ZMAT4: variants seen among roughly 807,000 people sequenced by gnomAD.
The protein encoded by ZMAT4 is zinc finger matrin-type 4.
Under a neutral mutation model 28.7 loss-of-function variants are expected in ZMAT4, and 17 were observed. The observed-to-expected ratio is 0.59, with a 90% CI of 0.41 to 0.89. ZMAT4 has a LOEUF of 0.89. Ranked by LOEUF, ZMAT4 falls within the 40% of genes least tolerant of loss-of-function variation. The pLI is 0.00. For synonymous variants in ZMAT4, 117 were observed against 109.2 expected, an observed-to-expected ratio of 1.07 and a Z score of -0.44; for missense variants, 240 against 283.8, an observed-to-expected ratio of 0.85 and a Z score of 1.11.
At position 40,531,530 on chromosome 8, in the gene ZMAT4, C is replaced by T. The variant is rs4737147; in HGVS notation, c.*693G>A. 6 of 152,708 alleles carry T rather than the reference C, an allele frequency of 3.9e-5. No individual in the cohort carries two copies. In the South Asian group the frequency reaches 1.2e-3, roughly 32 times the overall value. 9.5% of individuals were successfully genotyped at this position (152,708 alleles called of 1,614,324 possible). On this transcript the variant is annotated 3_prime_UTR_variant, in exon 7 of 7. Coordinates refer to ENST00000297737, the MANE Select transcript of ZMAT4 (RefSeq NM_024645.3). ...CTAAGAAGATCATCATGCAGGCAGA[C>T]TAATTCTTTTCCTAAGCTATTATTT...
chr8:40,790,505 A>G (rs1452843645), intron 2 of ZMAT4, among the ~76,000 whole-genome samples: 2 of 152,216 alleles, frequency 1.3e-5, no homozygotes, highest in African/African-American at 4.8e-5. Context: ...TTAAAGAATA[A>G]CATTTATAAT....
At chr8:40,882,248 A>G (rs1423939888) in intron 1 of ZMAT4, among the ~76,000 whole-genome samples, 2 of 152,128 alleles carry the variant, frequency 1.3e-5, no homozygotes. Flanking sequence ...TGAGAAATCT[A>G]TGTTTCTGCT....
At chr8:40,808,567 C>G (rs770810321) in intron 2 of ZMAT4, 6 of 453,188 alleles carry the variant, frequency 1.3e-5, no homozygotes, top group South Asian at 9.4e-5. Context: ...AGGAACTGCA[C>G]CACACTGCAA....
intron 6 of ZMAT4, among the ~76,000 whole-genome samples, chr8:40,552,531 T>C (rs1012446884): frequency 6.6e-6 from 1 of 152,180 alleles, no homozygotes; most frequent in Non-Finnish European, 1.5e-5. Context: ...TTAACTAACA[T>C]TTACTGAACT....
chr8:40,770,397 T>A (rs1363568522), intron 2 of ZMAT4, among the ~76,000 whole-genome samples: 1 of 152,058 alleles, frequency 6.6e-6, no homozygotes, highest in African/African-American at 2.4e-5. Flanking sequence ...TCCCTGCAGA[T>A]CGTTCCTGGG....
rs540721267 is a variant in ZMAT4 at position 40,607,033 on chromosome 8, C to T, written c.578-25772G>A. ...TCCAGTGTATTTTACATTTTTCCAA[C>T]ATGTCCTTTATTTCCAGAAGGTGTG... On this transcript the variant is annotated intron_variant, in intron 5 of 6. Transcript: ENST00000297737. 2.7e-4 allele frequency among the ~76,000 whole-genome samples: 41 copies of T among 151,236 alleles called. No homozygotes were observed. In the South Asian group the frequency reaches 6.5e-3, roughly 24 times the overall value.
chr8:40,885,549 G>T (rs1384069587), intron 1 of ZMAT4, among the ~76,000 whole-genome samples: 2 of 152,100 alleles, frequency 1.3e-5, no homozygotes, highest in Non-Finnish European at 2.9e-5. Context: ...ATTTTAAGAC[G>T]AGTCTTGCTC....
At chr8:40,567,494 G>T (rs1351834422) in intron 6 of ZMAT4, among the ~76,000 whole-genome samples, 6 of 152,004 alleles carry the variant, frequency 3.9e-5, no homozygotes, top group African/African-American at 1.2e-4. Flanking sequence ...ACTCTGGGAG[G>T]CTCAAGCGGG....
At chr8:40,601,587 AAAG>A (rs1805344357) in intron 5 of ZMAT4, among the ~76,000 whole-genome samples, 2 of 7,632 alleles carry the variant, frequency 2.6e-4, no homozygotes, top group African/African-American at 6.2e-4. Flanking sequence ...AGAAAGAAAG[AAAG>A]AAAGAAAGAA....
At chr8:40,710,356 C>T (rs1381649511) in intron 3 of ZMAT4, among the ~76,000 whole-genome samples, 6 of 152,072 alleles carry the variant, frequency 3.9e-5, no homozygotes, top group Admixed American at 2.0e-4. Flanking sequence ...TCGTTTCCTG[C>T]GTCTTTGTGA....
At chr8:40,613,940 G>T (rs771509872) in intron 5 of ZMAT4, among the ~76,000 whole-genome samples, 3 of 152,154 alleles carry the variant, frequency 2.0e-5, no homozygotes, top group Non-Finnish European at 4.4e-5. Flanking sequence ...CTGAACAAAA[G>T]AATGCCCCTG....
intron 2 of ZMAT4, among the ~76,000 whole-genome samples, chr8:40,776,616 T>A (rs1813605876): frequency 6.6e-6 from 1 of 152,124 alleles, no homozygotes; most frequent in Non-Finnish European, 1.5e-5. Context: ...TTTTGCAGTT[T>A]GGGGAAAAAA....
intron 3 of ZMAT4, among the ~76,000 whole-genome samples, chr8:40,756,054 T>C (rs992485388): frequency 1.3e-5 from 2 of 152,116 alleles, no homozygotes; most frequent in African/African-American, 4.8e-5. Flanking sequence ...AGGGAACCCA[T>C]ACACATTGAT....
intron 2 of ZMAT4, among the ~76,000 whole-genome samples, chr8:40,799,701 A>T (rs922195805): frequency 2.6e-5 from 4 of 152,204 alleles, no homozygotes; most frequent in Non-Finnish European, 5.9e-5. Context: ...TCTAACAGAT[A>T]ACAATTTGTT....
chr8:40,674,103 TTA>T (rs869291430), intron 5 of ZMAT4, among the ~76,000 whole-genome samples: 28,173 of 125,366 alleles, frequency 0.22, 1,703 homozygotes, highest in Non-Finnish European at 0.31. Flanking sequence ...TTTTTTTTTT[TTA>T]AATTTTTGAG....
chr8:40,851,894 A>ATTTAT (rs1461691225), intron 1 of ZMAT4, among the ~76,000 whole-genome samples: 1 of 151,914 alleles, frequency 6.6e-6, no homozygotes, highest in African/African-American at 2.4e-5. Flanking sequence ...GCAATTTTTT[A>ATTTAT]TTTATTTTAT....
intron 3 of ZMAT4, among the ~76,000 whole-genome samples, chr8:40,743,872 G>A (rs998198461): frequency 9.2e-5 from 14 of 152,300 alleles, no homozygotes; most frequent in South Asian, 4.1e-4. Flanking sequence ...CACAGATCAC[G>A]GTGGCCTTCG....
At chr8:40,665,246 C>CA (rs1808361017) in intron 5 of ZMAT4, among the ~76,000 whole-genome samples, 1 of 130,654 alleles carries the variant, frequency 7.7e-6, no homozygotes, top group African/African-American at 2.8e-5. Flanking sequence ...ACAAAAAAAA[C>CA]AAAAAATGTA....
chr8:40,570,795 G>C (rs1191161697), intron 6 of ZMAT4, among the ~76,000 whole-genome samples: 2 of 152,144 alleles, frequency 1.3e-5, no homozygotes, highest in African/African-American at 4.8e-5. Context: ...CTCAGGATTT[G>C]AGAGACAGGG....
Sources: allele counts gnomAD v4.1 joint callset (sites outside exome capture counted in the v4.1 genomes callset), GRCh38; gene constraint gnomAD v4.1.1; transcripts MANE v1.5; gene names NCBI Gene and HGNC (gene_info 2026-07-23, HGNC 2026-07-21).